UNC13C: variants seen among roughly 807,000 people sequenced by gnomAD.
The protein encoded by UNC13C is protein unc-13 homolog C.
In UNC13C, 174 loss-of-function variants were observed where a neutral mutation model predicts 245.4. The ratio of observed to expected loss-of-function variants is 0.71; its 90% CI spans 0.63 to 0.80. The LOEUF is 0.80. Ranked by LOEUF, UNC13C falls within the 30% of genes least tolerant of loss-of-function variation. The pLI is 0.00. For missense variants in UNC13C, 2,829 were observed against 2,602.9 expected (o/e 1.09, Z -1.89); for synonymous variants, 992 against 895.1 (o/e 1.11, Z -1.93).
chr15:54,360,993 C>T (rs2039217469), intron 17 of UNC13C, among the ~76,000 whole-genome samples: 1 of 152,244 alleles, frequency 6.6e-6, no homozygotes, highest in Middle Eastern at 3.4e-3. Context: ...TACCTGAATG[C>T]TGTCATCTTT....
chr15:54,217,801 A>C (rs2035087868), intron 4 of UNC13C, among the ~76,000 whole-genome samples: 1 of 151,902 alleles, frequency 6.6e-6, no homozygotes, highest in Admixed American at 6.6e-5. Context: ...CCTATGACTT[A>C]AGTTCTTGCT....
chr15:54,336,112 A>G (rs1887361663), intron 16 of UNC13C, among the ~76,000 whole-genome samples: 1 of 152,018 alleles, frequency 6.6e-6, no homozygotes, highest in Admixed American at 6.6e-5. Flanking sequence ...TTTTACCCAT[A>G]TTTATTAGCT....
chr15:54,606,036 G>T (rs1176291048), intron 30 of UNC13C, among the ~76,000 whole-genome samples: 1 of 152,142 alleles, frequency 6.6e-6, no homozygotes, highest in Admixed American at 6.5e-5. Context: ...GGCTACTCCT[G>T]TTTCCCACTT....
intron 2 of UNC13C, among the ~76,000 whole-genome samples, chr15:54,033,475 T>C (rs1301154644): frequency 6.6e-6 from 1 of 152,166 alleles, no homozygotes; most frequent in East Asian, 1.9e-4. Flanking sequence ...GTCTTGAAGA[T>C]CATTGAGAGC....
In UNC13C at chr15:54,063,007, G is replaced by A. The variant is rs138586381; in HGVS notation, c.2983+47121G>A. Among the ~76,000 whole-genome samples, 1,240 of 152,272 alleles carry A rather than the reference G, an allele frequency of 8.1e-3. 6 individuals are homozygous for A. Among genetic ancestry groups the A allele is most frequent in the Middle Eastern group, 0.02 (6 of 294 alleles). ...GGGAAAGAAAGGCTCATTAGTTCCC[G>A]TTAGGGATAGGCCTGGATAATTGTA... On this transcript the variant is annotated intron_variant, in intron 2 of 32. Coordinates refer to ENST00000260323, the MANE Select transcript of UNC13C (RefSeq NM_001080534.3).
At chr15:54,281,890 G>A (rs1321587084) in intron 10 of UNC13C, among the ~76,000 whole-genome samples, 6 of 152,116 alleles carry the variant, frequency 3.9e-5, no homozygotes, top group Non-Finnish European at 4.4e-5. Flanking sequence ...TTTTACTGTG[G>A]TATAATATAC....
intron 2 of UNC13C, among the ~76,000 whole-genome samples, chr15:54,102,556 T>C (rs1900219264): frequency 6.6e-6 from 1 of 152,222 alleles, no homozygotes; most frequent in African/African-American, 2.4e-5. Flanking sequence ...AGGTGTTCTA[T>C]CCGTGTTTTA....
At chr15:54,428,554 A>G (rs139436715) in intron 19 of UNC13C, among the ~76,000 whole-genome samples, 1 of 151,670 alleles carries the variant, frequency 6.6e-6, no homozygotes, top group African/African-American at 2.4e-5. Context: ...CCACTGATAT[A>G]CTTGTTTATT....
chr15:53,916,197 A>G, the UNC13C span, among the ~76,000 whole-genome samples: 2 of 152,196 alleles, frequency 1.3e-5, no homozygotes, highest in East Asian at 1.9e-4. Context: ...AAATTAACGT[A>G]TTAGCTATAC....
At chr15:54,603,447 C>T (rs978384925) in intron 30 of UNC13C, among the ~76,000 whole-genome samples, 8 of 152,106 alleles carry the variant, frequency 5.3e-5, no homozygotes, top group African/African-American at 1.9e-4. Context: ...AAATTGCTGC[C>T]AGAACTGTTG....
At chr15:54,295,433 A>C (rs2037402531) in intron 11 of UNC13C, among the ~76,000 whole-genome samples, 1 of 152,064 alleles carries the variant, frequency 6.6e-6, no homozygotes, top group Non-Finnish European at 1.5e-5. Flanking sequence ...AGGATTGCTT[A>C]AGGCCAGGAG....
chr15:54,060,869 C>T (rs1313814272), intron 2 of UNC13C, among the ~76,000 whole-genome samples: 2 of 151,398 alleles, frequency 1.3e-5, no homozygotes, highest in African/African-American at 4.9e-5. Flanking sequence ...ATCACAAGGA[C>T]AAAAAACCAA....
At chr15:53,972,156 C>G in the UNC13C span, among the ~76,000 whole-genome samples, 8,333 of 152,218 alleles carry the variant, frequency 0.055, 427 homozygotes, top group African/African-American at 0.13. Flanking sequence ...AGAGAAAAAA[C>G]GGCAAAGACC....
At chr15:54,404,939 C>T (rs954027942) in intron 18 of UNC13C, among the ~76,000 whole-genome samples, 5 of 152,172 alleles carry the variant, frequency 3.3e-5, no homozygotes, top group Admixed American at 2.0e-4. Flanking sequence ...TTTTCTCCTA[C>T]AGACTAAATA....
intron 18 of UNC13C, among the ~76,000 whole-genome samples, chr15:54,396,171 T>C (rs937844825): frequency 1.3e-5 from 2 of 151,698 alleles, no homozygotes; most frequent in African/African-American, 4.8e-5. Flanking sequence ...CTGGCATATG[T>C]ATTTAGCCAC....
At chr15:54,443,422 T>C (rs181810380) in intron 19 of UNC13C, among the ~76,000 whole-genome samples, 1 of 151,292 alleles carries the variant, frequency 6.6e-6, no homozygotes, top group East Asian at 1.9e-4. Context: ...CTGTTGTTTA[T>C]TATTTCTTTC....
intron 19 of UNC13C, among the ~76,000 whole-genome samples, chr15:54,488,459 T>G (rs1567321482): frequency 6.6e-6 from 1 of 152,164 alleles, no homozygotes; most frequent in Non-Finnish European, 1.5e-5. Flanking sequence ...GCAGTGTTTA[T>G]GCAATAAAAT....
chr15:54,364,490 G>A (rs116534165), intron 17 of UNC13C, among the ~76,000 whole-genome samples: 2,133 of 152,260 alleles, frequency 0.014, 65 homozygotes, highest in African/African-American at 0.049. Context: ...AGCTACTGGG[G>A]TTTAATGTCA....
intron 2 of UNC13C, among the ~76,000 whole-genome samples, chr15:54,092,820 ATT>A (rs2141139061): frequency 6.6e-6 from 1 of 152,240 alleles, no homozygotes; most frequent in East Asian, 1.9e-4. Flanking sequence ...TTTAGTGTGG[ATT>A]TTGATATTAC....
Sources: allele counts gnomAD v4.1 joint callset (sites outside exome capture counted in the v4.1 genomes callset), GRCh38; gene constraint gnomAD v4.1.1; transcripts MANE v1.5; gene names NCBI Gene and HGNC (gene_info 2026-07-23, HGNC 2026-07-21).